DMD: variants seen among roughly 807,000 people sequenced by gnomAD.
The protein encoded by DMD is mutant dystrophin.
A neutral mutation model predicts 330.1 loss-of-function variants in DMD; 63 were observed. The observed-to-expected ratio is 0.19, with a 90% confidence interval of 0.16 to 0.24. The LOEUF (loss-of-function observed/expected upper bound fraction) is 0.24, where lower values mean the gene tolerates loss of function less well. Among genes scored for constraint, DMD ranks in the 10% least tolerant of loss-of-function variants. DMD has a pLI of 1.00. For synonymous variants in DMD, 1,223 were observed against 959.8 expected (o/e 1.27, Z -5.07); for missense variants, 3,344 against 2,684.1 (o/e 1.25, Z -5.43).
Position 31,247,461 on chromosome X carries a change from G to A in DMD, c.9286+13494C>T, listed in dbSNP as rs189432784. On this transcript the variant is annotated intron_variant, in intron 63 of 78. Transcript: ENST00000357033. The stretch of plus-strand genomic sequence containing the variant: ...CTAAAAATACAAAAATTAGCCGGGC[G>A]TAGTGGCACACGCCTGTAGTCCCAG... Among the ~76,000 whole-genome samples, 6 of 109,850 alleles carry A rather than the reference G, an allele frequency of 5.5e-5. No homozygotes were observed. The East Asian group carries it at 8.6e-4, about 16-fold the overall frequency.
intron 25 of DMD, among the ~76,000 whole-genome samples, chrX:32,458,337 CTTT>C (rs746977120): frequency 5.8e-4 from 65 of 111,415 alleles, no homozygotes; most frequent in Non-Finnish European, 9.9e-4. Context: ...GAAGAATTTT[CTTT>C]TTTAAAGCTA....
intron 2 of DMD, among the ~76,000 whole-genome samples, chrX:32,887,761 A>AAAAAC (rs2084778743): frequency 9.9e-6 from 1 of 101,005 alleles, no homozygotes; most frequent in African/African-American, 3.6e-5. Context: ...AAAAAAAAAA[A>AAAAAC]AAAAAAAAAA....
chrX:31,177,614 A>G lies in DMD; in HGVS notation c.10262+318T>C, dbSNP rs1042495751. 9.9e-5 allele frequency among the ~76,000 whole-genome samples: 11 copies of G among 111,211 alleles called. No individual in the cohort carries two copies. The Admixed American group carries it at 1.1e-3, about 11-fold the overall frequency. On this transcript the variant is annotated intron_variant, in intron 71 of 78. Coordinates refer to ENST00000357033, the MANE Select transcript of DMD (RefSeq NM_004006.3). ...CTTTTATATGAAGAAATATATAAAC[A>G]TGTCTCCCAGGAATACAGCTAAAAC...
intron 1 of DMD, among the ~76,000 whole-genome samples, chrX:33,234,238 G>A (rs935144873): frequency 1.8e-5 from 2 of 111,134 alleles, no homozygotes; most frequent in African/African-American, 6.5e-5. Flanking sequence ...CATATTTAGC[G>A]GTACATAAAT....
At chrX:31,951,425 A>G (rs189952955) in intron 45 of DMD, among the ~76,000 whole-genome samples, 1 of 107,231 alleles carries the variant, frequency 9.3e-6, no homozygotes, top group East Asian at 2.9e-4. Flanking sequence ...TACATGTGCC[A>G]TATTGTATTT....
chrX:31,767,702 T>A (rs1342873176), intron 51 of DMD, among the ~76,000 whole-genome samples: 9 of 112,004 alleles, frequency 8.0e-5, no homozygotes, highest in Admixed American at 1.9e-4. Context: ...CCATCAATTC[T>A]TCCAGGGCTA....
rs148329103 is a variant in DMD at position 32,578,073 on chromosome X, T to A, written c.1603-4227A>T. Among the ~76,000 whole-genome samples, 390 of 112,411 alleles carry A rather than the reference T, an allele frequency of 3.5e-3. 2 individuals carry two copies. Among genetic ancestry groups the A allele is most frequent in the African/African-American group, 0.012 (380 of 30,998 alleles). On this transcript the variant is annotated intron_variant, in intron 13 of 78. Coordinates refer to ENST00000357033, the MANE Select transcript of DMD (RefSeq NM_004006.3). ...TCTGGAATCACTCAAAGATGCTGGTTCCTATCATTGCCTGAATGGCTATAA... is the reference window on the plus strand; with the variant it reads ...TCTGGAATCACTCAAAGATGCTGGTACCTATCATTGCCTGAATGGCTATAA...
intron 1 of DMD, among the ~76,000 whole-genome samples, chrX:33,163,620 C>CTATCTATCTATCTATGTATCTATG (rs1557282314): frequency 6.2e-4 from 12 of 19,486 alleles, no homozygotes; most frequent in African/African-American, 9.3e-4. Context: ...ATATCTATCT[C>CTATCTATCTATCTATGTATCTATG]TATCTATCTA....
intron 43 of DMD, among the ~76,000 whole-genome samples, chrX:32,255,160 G>A (rs2097293201): frequency 9.0e-6 from 1 of 111,712 alleles, no homozygotes; most frequent in Non-Finnish European, 1.9e-5. Flanking sequence ...GATACACCAC[G>A]TTTTGTTTCT....
chrX:31,437,844 A>G (rs1428817643), intron 60 of DMD, among the ~76,000 whole-genome samples: 2 of 107,121 alleles, frequency 1.9e-5, no homozygotes, highest in South Asian at 3.9e-4. Context: ...TACATATTAC[A>G]TATATATCAT....
chrX:31,608,834 C>G (rs143897702), intron 55 of DMD, among the ~76,000 whole-genome samples: 7,680 of 111,257 alleles, frequency 0.069, 210 homozygotes, highest in African/African-American at 0.11. Context: ...TGGCCAACCC[C>G]TAAGACTAGG....
At chrX:33,053,283 G>C (rs774850065) in intron 1 of DMD, among the ~76,000 whole-genome samples, 30 of 111,564 alleles carry the variant, frequency 2.7e-4, no homozygotes, top group Non-Finnish European at 5.3e-4. Context: ...TTGCAAAGTG[G>C]TTTGATGTAT....
intron 44 of DMD, among the ~76,000 whole-genome samples, chrX:32,082,192 G>A (rs1345654765): frequency 1.8e-5 from 2 of 111,631 alleles, no homozygotes; most frequent in Non-Finnish European, 3.8e-5. Flanking sequence ...AGGCAGCCAG[G>A]TTTGGAAGTA....
In DMD at chrX:31,146,624, G is replaced by A. The variant is rs1250743889; in HGVS notation, c.10798-210C>T. ...CTGAATTGTGCTCCCTTATAAATTT[G>A]AGAAAAAAATCAGAGCTACACTGGA... On this transcript the variant is annotated intron_variant, in intron 75 of 78. Transcript: ENST00000357033. 1.8e-5 allele frequency among the ~76,000 whole-genome samples: 2 copies of A among 111,114 alleles called. 1 individual carries two copies. Among genetic ancestry groups the A allele is most frequent in the African/African-American group, 6.6e-5 (2 of 30,507 alleles).
intron 1 of DMD, among the ~76,000 whole-genome samples, chrX:33,315,522 C>T (rs1283166439): frequency 1.8e-5 from 2 of 112,240 alleles, no homozygotes; most frequent in Non-Finnish European, 1.9e-5. Flanking sequence ...TGTGTTGTCA[C>T]ACATCACTGT....
In DMD at chrX:32,362,786, AC is replaced by A; in HGVS notation, c.5325+1del. ...TTTCCACCTTGGAGTAGATCTTCCT[AC>A]CTTTCCAGTCTTAATTCTGTGTGAA... On this transcript the variant is annotated splice_donor_variant, in intron 37 of 78. Coordinates refer to ENST00000357033, the MANE Select transcript of DMD (RefSeq NM_004006.3). LOFTEE classifies it high-confidence loss of function. 1 of 1,210,490 alleles carries A rather than the reference AC, an allele frequency of 8.3e-7. No individual in the cohort carries two copies. The highest frequency in any genetic ancestry group is 1.1e-6 in the Non-Finnish European group (1 of 894,950).
chrX:33,177,610 TC>T (rs2049744378), intron 1 of DMD, among the ~76,000 whole-genome samples: 1 of 111,097 alleles, frequency 9.0e-6, no homozygotes, highest in African/African-American at 3.3e-5. Context: ...GGTCTCGAAC[TC>T]CTGGCCTCAA....
chrX:31,604,320 AT>A (rs201261580), intron 55 of DMD, among the ~76,000 whole-genome samples: 4 of 108,613 alleles, frequency 3.7e-5, no homozygotes, highest in Admixed American at 9.9e-5. Context: ...CCATGGGCTT[AT>A]TTTTTTTTTC....
chrX:32,629,821 C>T (rs2058616632), intron 11 of DMD, among the ~76,000 whole-genome samples: 1 of 109,537 alleles, frequency 9.1e-6, no homozygotes, highest in South Asian at 3.8e-4. Flanking sequence ...AAATGCTACA[C>T]TTTAACTTCA....
Sources: allele counts gnomAD v4.1 joint callset (sites outside exome capture counted in the v4.1 genomes callset), GRCh38; gene constraint gnomAD v4.1.1; transcripts MANE v1.5; gene names NCBI Gene and HGNC (gene_info 2026-07-23, HGNC 2026-07-21).